TMTC2: variants seen among roughly 807,000 people sequenced by gnomAD.
TMTC2 encodes the protein protein O-mannosyl-transferase TMTC2.
TMTC2 carries 43 observed loss-of-function variants against 82.4 expected under a neutral mutation model. The ratio of observed to expected loss-of-function variants is 0.52; its 90% CI spans 0.41 to 0.67. The LOEUF is 0.67. TMTC2 is among the 30% of genes least tolerant of loss of function. TMTC2 has a pLI of 0.00. For missense variants in TMTC2, 919 were observed against 1,012.4 expected (o/e 0.91, Z 1.25); for synonymous variants, 408 against 381.9 (o/e 1.07, Z -0.80).
intron 4 of TMTC2, among the ~76,000 whole-genome samples, chr12:82,945,421 G>A (rs1876943105): frequency 6.6e-6 from 1 of 151,898 alleles, no homozygotes; most frequent in Admixed American, 6.6e-5. Flanking sequence ...TAAATTTGAG[G>A]GCATATATTA....
chr12:83,107,569 A>G (rs1466655608), intron 11 of TMTC2, among the ~76,000 whole-genome samples: 2 of 152,184 alleles, frequency 1.3e-5, no homozygotes, highest in Non-Finnish European at 2.9e-5. Context: ...TCCAATCAAC[A>G]TATTAATTTG....
intron 11 of TMTC2, among the ~76,000 whole-genome samples, chr12:83,112,323 A>G (rs75216223): frequency 0.036 from 5,529 of 152,204 alleles, 164 homozygotes; most frequent in Non-Finnish European, 0.054. Context: ...GCATCCCCGC[A>G]TCTCTGCTGG....
At chr12:82,861,242 G>A (rs781772726) in intron 2 of TMTC2, among the ~76,000 whole-genome samples, 4 of 152,180 alleles carry the variant, frequency 2.6e-5, no homozygotes, top group Admixed American at 1.3e-4. Flanking sequence ...TAAGGCCAGA[G>A]GGGCAAGGCT....
chr12:83,014,054 G>A (rs193144361), intron 8 of TMTC2, among the ~76,000 whole-genome samples: 265 of 152,270 alleles, frequency 1.7e-3, no homozygotes, highest in Middle Eastern at 3.4e-3. Flanking sequence ...TTTTGCCTAT[G>A]TTTTTCTAAG....
intron 4 of TMTC2, among the ~76,000 whole-genome samples, chr12:82,964,631 A>G (rs1878104399): frequency 6.6e-6 from 1 of 152,084 alleles, no homozygotes; most frequent in South Asian, 2.1e-4. Context: ...GAGGCATCTC[A>G]TGTTTCCACA....
intron 11 of TMTC2, among the ~76,000 whole-genome samples, chr12:83,118,472 T>C (rs1225710109): frequency 6.6e-6 from 1 of 151,852 alleles, no homozygotes; most frequent in Admixed American, 6.6e-5. Context: ...GTGTGTCACA[T>C]GTATTGACTT....
intron 10 of TMTC2, among the ~76,000 whole-genome samples, chr12:83,053,119 A>G (rs546192292): frequency 6.6e-6 from 1 of 152,308 alleles, no homozygotes; most frequent in Non-Finnish European, 1.5e-5. Flanking sequence ...GGAGTAAGAA[A>G]GGTTACTGGT....
chr12:82,730,420 G>A (rs149478124), intron 1 of TMTC2, among the ~76,000 whole-genome samples: 92 of 151,980 alleles, frequency 6.1e-4, no homozygotes, highest in African/African-American at 1.8e-3. Context: ...TGTAGTCTGG[G>A]GGTCACTCAG....
chr12:83,053,404 T>G (rs1308563492), intron 10 of TMTC2, among the ~76,000 whole-genome samples: 1 of 152,204 alleles, frequency 6.6e-6, no homozygotes, highest in South Asian at 2.1e-4. Flanking sequence ...AATCAGCAAT[T>G]TAGGGAAAGT....
chr12:83,045,727 G>GTGCTCACACACACACACACACA (rs1437284307), intron 9 of TMTC2, among the ~76,000 whole-genome samples: 1 of 142,452 alleles, frequency 7.0e-6, no homozygotes, highest in Non-Finnish European at 1.5e-5. Flanking sequence ...ACACACACAC[G>GTGCTCACACACACACACACACA]CACACACACA....
At chr12:83,111,175 T>A (rs1884588004) in intron 11 of TMTC2, among the ~76,000 whole-genome samples, 1 of 152,252 alleles carries the variant, frequency 6.6e-6, no homozygotes. Context: ...TTTTAAGGCA[T>A]GACTGATGAT....
At chr12:83,000,064 C>T (rs888125541) in intron 8 of TMTC2, among the ~76,000 whole-genome samples, 12 of 152,100 alleles carry the variant, frequency 7.9e-5, no homozygotes, top group Non-Finnish European at 1.5e-4. Flanking sequence ...TAAATACAGC[C>T]ATTCCAAATG....
intron 11 of TMTC2, among the ~76,000 whole-genome samples, chr12:83,097,177 A>G (rs1884057374): frequency 6.6e-6 from 1 of 152,210 alleles, no homozygotes; most frequent in South Asian, 2.1e-4. Flanking sequence ...GTCTCAATTC[A>G]GGCTGCTTTT....
chr12:82,770,091 T>C (rs1877204494), intron 1 of TMTC2, among the ~76,000 whole-genome samples: 1 of 152,196 alleles, frequency 6.6e-6, no homozygotes, highest in Admixed American at 6.5e-5. Context: ...TCCCATAGAA[T>C]TTAAGTGTCC....
chr12:82,996,226 T>G (rs1379478760), intron 8 of TMTC2, among the ~76,000 whole-genome samples: 1 of 152,206 alleles, frequency 6.6e-6, no homozygotes, highest in Non-Finnish European at 1.5e-5. Context: ...TTAATTTGAA[T>G]GTGATGTATA....
chr12:82,932,016 G>A (rs1876060882), intron 4 of TMTC2, among the ~76,000 whole-genome samples: 1 of 152,122 alleles, frequency 6.6e-6, no homozygotes, highest in South Asian at 2.1e-4. Flanking sequence ...TAAGGTGCTT[G>A]CGGCTTGTGT....
intron 2 of TMTC2, among the ~76,000 whole-genome samples, chr12:82,882,473 T>C (rs1329936803): frequency 6.6e-6 from 1 of 152,144 alleles, no homozygotes; most frequent in Non-Finnish European, 1.5e-5. Context: ...GTTACTCTGA[T>C]GTATCTGAAA....
chr12:82,803,389 G>A (rs942527046), intron 1 of TMTC2, among the ~76,000 whole-genome samples: 4 of 152,210 alleles, frequency 2.6e-5, no homozygotes, highest in African/African-American at 9.6e-5. Flanking sequence ...TTATCACAAG[G>A]CCTCTCTGAA....
chr12:83,122,499 G>A (rs898887043), intron 11 of TMTC2, among the ~76,000 whole-genome samples: 5 of 152,070 alleles, frequency 3.3e-5, no homozygotes, highest in Non-Finnish European at 5.9e-5. Flanking sequence ...GCTTTTTTCC[G>A]CTGCTTCCTC....
Sources: allele counts gnomAD v4.1 joint callset (sites outside exome capture counted in the v4.1 genomes callset), GRCh38; gene constraint gnomAD v4.1.1; transcripts MANE v1.5; gene names NCBI Gene and HGNC (gene_info 2026-07-23, HGNC 2026-07-21).